The following TASOR variants were observed in gnomAD, a reference collection of about 807,000 sequenced individuals.
TASOR encodes transcription activation suppressor.
Under a neutral mutation model 178.6 loss-of-function variants are expected in TASOR, and 53 were observed. The ratio of observed to expected loss-of-function variants is 0.30; its 90% CI spans 0.24 to 0.37. The LOEUF (loss-of-function observed/expected upper bound fraction) is 0.37, where lower values mean the gene tolerates loss of function less well. TASOR is among the 10% of genes least tolerant of loss of function. The pLI is 1.00. For missense variants in TASOR, 1,815 were observed against 1,971.4 expected (o/e 0.92, Z 1.50); for synonymous variants, 713 against 696.2 (o/e 1.02, Z -0.38).
At position 56,682,561 on chromosome 3, in the gene TASOR, G is replaced by C. The variant is rs2031899670; in HGVS notation, c.331+115C>G. On this transcript the variant is annotated intron_variant, in intron 1 of 23. Transcript: ENST00000683822. ...GTGGCGGTGAGGGGAGAGGCGGCCG[G>C]CGCTGCATGCGTGTTTACGTATCTC... 3 of 986,292 alleles carry C rather than the reference G, an allele frequency of 3.0e-6. No homozygotes were observed. In the East Asian group the frequency reaches 9.3e-5, roughly 31 times the overall value. 61.1% of individuals were successfully genotyped at this position (986,292 alleles called of 1,614,324 possible). A position where few individuals can be genotyped will look rare whatever the true frequency, so the allele number is the denominator to read the frequency against.
chr3:56,647,223 G>A lies in TASOR; in HGVS notation c.1514C>T (p.Ser505Leu), dbSNP rs753717530. The A allele has an allele frequency of 2.1e-5, 32 of 1,520,568 alleles. No homozygotes were observed. The highest frequency in any genetic ancestry group is 2.7e-5 in the Non-Finnish European group (31 of 1,141,482). The allele number at this position is 1,520,568 out of a possible 1,614,324, so 94.2% of individuals were successfully genotyped here. A position where few individuals can be genotyped will look rare whatever the true frequency, so the allele number is the denominator to read the frequency against. ...LFQEPRSIVT[S>L]QKGSTNAAPQ... ...TGCTGCATTGGTTGAACCTTTTTGTGCTGTAAATAAAACAAACAAACAAAA... is the reference window on the plus strand; with the variant it reads ...TGCTGCATTGGTTGAACCTTTTTGTACTGTAAATAAAACAAACAAACAAAA... The change falls in exon 14 of 24, where the codon TCA (serine) becomes TTA (leucine). Residue 505 changes from serine to leucine, a missense_variant and splice_region_variant. Around this residue, in one of 5 missense-constraint regions of TASOR, gnomAD observed 504 missense variants for 645.3 expected, o/e 0.78. Coordinates refer to ENST00000683822, the MANE Select transcript of TASOR (RefSeq NM_001365635.2).
At position 56,645,209 on chromosome 3, in the gene TASOR, G is replaced by C. The variant is rs112773699; in HGVS notation, c.2215+1313C>G. Among the ~76,000 whole-genome samples, 571 of 152,334 alleles carry C rather than the reference G, an allele frequency of 3.7e-3. 4 individuals are homozygous for C. The highest frequency in any genetic ancestry group is 0.013 in the African/African-American group (549 of 41,572). On this transcript the variant is annotated intron_variant, in intron 14 of 23. Coordinates refer to ENST00000683822, the MANE Select transcript of TASOR (RefSeq NM_001365635.2). ...GAATCTTTTGAACCAGGTAGGCAGA[G>C]GTTGCAGTGAGCCAAGACTGAGCCA... is the stretch of plus-strand genomic sequence containing the variant.
intron 18 of TASOR, 100 bp downstream of exon 18, chr3:56,632,944 T>TA: frequency 1.9e-6 from 2 of 1,030,876 alleles, no homozygotes; most frequent in Non-Finnish European, 1.4e-6. Flanking sequence ...GCCTAACATT[T>TA]AAACACAAAA....
chr3:56,644,241 CT>C (rs2077188729), intron 14 of TASOR, among the ~76,000 whole-genome samples: 1 of 152,034 alleles, frequency 6.6e-6, no homozygotes, highest in South Asian at 2.1e-4. Flanking sequence ...ATAATAATGC[CT>C]ATCACTCAAG....
chr3:56,676,973 C>T (rs2107641268), intron 1 of TASOR, among the ~76,000 whole-genome samples: 1 of 152,284 alleles, frequency 6.6e-6, no homozygotes, highest in East Asian at 1.9e-4. Context: ...TCAGTGGCTT[C>T]GTTAGGCCGG....
At chr3:56,641,244 TTA>T in intron 15 of TASOR, 103 bp downstream of exon 15, 1 of 1,196,226 alleles carries the variant, frequency 8.4e-7, no homozygotes, top group Non-Finnish European at 1.2e-6. Flanking sequence ...AAAGTGCATT[TTA>T]TTTCTTTTTC....
At chr3:56,676,345 A>G (rs1490931221) in intron 1 of TASOR, among the ~76,000 whole-genome samples, 3 of 152,254 alleles carry the variant, frequency 2.0e-5, no homozygotes, top group Non-Finnish European at 2.9e-5. Flanking sequence ...ATTCAGTAAT[A>G]TACGAAACAC....
chr3:56,682,689 G>C lies in TASOR; in HGVS notation c.318C>G (p.Ser106Arg), dbSNP rs2031914983. 6.8e-7 allele frequency: 1 copy of C among 1,473,058 alleles called. No individual in the cohort carries two copies. Among genetic ancestry groups the C allele is most frequent in the Non-Finnish European group, 9.0e-7 (1 of 1,109,478 alleles). The allele number at this position is 1,473,058 out of a possible 1,614,324, so 91.2% of individuals were successfully genotyped here. A position where few individuals can be genotyped will look rare whatever the true frequency, so the allele number is the denominator to read the frequency against. The change falls in exon 1 of 24, where the codon AGC becomes AGG. Residue 106 changes from serine to arginine, a missense_variant. Ser to Arg is a moderately radical substitution (Grantham distance 110, BLOSUM62 -1). This residue lies in a region of TASOR where 244 missense variants were observed against 202.7 expected (regional missense o/e 1.20). Coordinates refer to ENST00000683822, the MANE Select transcript of TASOR (RefSeq NM_001365635.2). ...VRRSFQIPRK[S>R]REKKALFQPL... ...GGGAGGCACCACCTTTCTTTTCTCT[G>C]CTCTTCCTGGGGATCTGAAAACTCC...
In TASOR at chr3:56,620,440, A is replaced by G. The variant is rs1473904386; in HGVS notation, c.*2597T>C. ...GGTAACATCCTTACACCTTTGCTCC[A>G]TCCCTTGGGCTTTAAAAAGAATGGC... is the stretch of plus-strand genomic sequence containing the variant. On this transcript the variant is annotated 3_prime_UTR_variant, in exon 24 of 24. Transcript: ENST00000683822. 1 of 152,506 alleles carries G rather than the reference A, an allele frequency of 6.6e-6. No individual in the cohort carries two copies. The highest frequency in any genetic ancestry group is 1.5e-5 in the Non-Finnish European group (1 of 68,272). The allele number at this position is 152,506 out of a possible 1,614,324, so 9.4% of individuals were successfully genotyped here.
chr3:56,623,544 CT>C lies in TASOR; in HGVS notation c.4505del (p.Lys1502ArgfsTer17), dbSNP rs1449664068. The C allele has an allele frequency of 6.3e-7, 1 of 1,575,708 alleles. No individual in the cohort carries two copies. The highest frequency in any genetic ancestry group is 2.0e-5 in the Admixed American group (1 of 49,650). ...SQSALLENDE[K>X]DEEDMSLDSG... The stretch of plus-strand genomic sequence containing the variant: ...AATCCAGAGACATATCCTCTTCATC[CT>C]TTTCATCGTTTTCTAAAAGAGCTAC... On this transcript the variant is annotated frameshift_variant, in exon 24 of 24. Coordinates refer to ENST00000683822, the MANE Select transcript of TASOR (RefSeq NM_001365635.2). LOFTEE classifies it high-confidence loss of function.
chr3:56,663,616 T>G, intron 7 of TASOR, 44 bp from the exon 8 acceptor site: 2 of 1,292,158 alleles, frequency 1.5e-6, no homozygotes, highest in Admixed American at 3.3e-5. Flanking sequence ...CTCATTAGTA[T>G]AATCATAAAA....
chr3:56,682,321 G>A lies in TASOR; in HGVS notation c.331+355C>T, dbSNP rs116782785. Among the ~76,000 whole-genome samples the A allele has an allele frequency of 4.9e-3, 720 of 147,784 alleles. 3 individuals carry two copies. Among genetic ancestry groups the A allele is most frequent in the African/African-American group, 0.017 (682 of 40,860 alleles). ...CATGGCCACGGGCTATTTCCATAGCGAGACTTCTCAGAAGCATCCTTAGGA... is the reference window on the plus strand; with the variant it reads ...CATGGCCACGGGCTATTTCCATAGCAAGACTTCTCAGAAGCATCCTTAGGA... On this transcript the variant is annotated intron_variant, in intron 1 of 23. Transcript: ENST00000683822.
chr3:56,680,672 CTTAT>C (rs77169278), intron 1 of TASOR, among the ~76,000 whole-genome samples: 7,405 of 152,050 alleles, frequency 0.049, 184 homozygotes, highest in East Asian at 0.09. Context: ...AAAATAGCTG[CTTAT>C]TTAATTTTTT....
chr3:56,679,135 A>G (rs2107645573), intron 1 of TASOR, among the ~76,000 whole-genome samples: 1 of 152,294 alleles, frequency 6.6e-6, no homozygotes, highest in South Asian at 2.1e-4. Flanking sequence ...AGGATCTGAA[A>G]TTTTCTGAAT....
intron 14 of TASOR, 117 bp from the exon 15 acceptor site, chr3:56,641,869 T>C: frequency 9.8e-7 from 1 of 1,021,100 alleles, no homozygotes; most frequent in Non-Finnish European, 1.4e-6. Context: ...CTCAACCAAT[T>C]TGCTTAGACT....
chr3:56,680,086 CTAACT>C lies in TASOR; in HGVS notation c.331+2585_331+2589del, dbSNP rs572818601. The stretch of plus-strand genomic sequence containing the variant: ...TACTAACAGGTCAGGTCAAAAGCAG[CTAACT>C]TAAACCCTTAGATTATTCAAACTGG... On this transcript the variant is annotated intron_variant, in intron 1 of 23. Coordinates refer to ENST00000683822, the MANE Select transcript of TASOR (RefSeq NM_001365635.2). Among the ~76,000 whole-genome samples the C allele has an allele frequency of 4.1e-4, 62 of 152,224 alleles. No individual in the cohort carries two copies. In the South Asian group the frequency reaches 7.7e-3, roughly 19 times the overall value.
rs1325112630 is a variant in TASOR, at chr3:56,666,150, GT to G, written c.1022+109del. ...CAGTCTCCAACCAACTTCAAGGGAAGTTAAAAAAAAAAAAATGGGAAGGAAA... is the reference window on the plus strand; with the variant it reads ...CAGTCTCCAACCAACTTCAAGGGAAGTAAAAAAAAAAAAATGGGAAGGAAA... On this transcript the variant is annotated intron_variant, in intron 7 of 23. Coordinates refer to ENST00000683822, the MANE Select transcript of TASOR (RefSeq NM_001365635.2). The G allele has an allele frequency of 9.9e-4, 803 of 812,996 alleles. 4 individuals are homozygous for G. In the African/African-American group the frequency reaches 0.023, roughly 24 times the overall value. 50.4% of individuals were successfully genotyped at this position (812,996 alleles called of 1,614,324 possible).
chr3:56,677,594 T>C (rs899660790), intron 1 of TASOR, among the ~76,000 whole-genome samples: 1 of 152,182 alleles, frequency 6.6e-6, no homozygotes, highest in Non-Finnish European at 1.5e-5. Flanking sequence ...TCCTGAAATA[T>C]ATGATGTGTG....
intron 3 of TASOR, 67 bp from the exon 4 acceptor site, chr3:56,670,212 T>C (rs1186052257): frequency 2.0e-6 from 2 of 1,006,038 alleles, no homozygotes; most frequent in Non-Finnish European, 1.4e-6. Flanking sequence ...AAAATAATTT[T>C]ATAAACTTGG....
Sources: gnomAD v4.1 joint callset for allele counts (sites outside exome capture counted in the v4.1 genomes callset) on GRCh38, gnomAD v4.1.1 for gene constraint, gnomAD v4.1.1 regional missense constraint, MANE v1.5 for transcripts, NCBI Gene and HGNC (gene_info 2026-07-23, HGNC 2026-07-21) for gene names.